VPS13B: variants seen among roughly 807,000 people sequenced by gnomAD.
VPS13B encodes the protein intermembrane lipid transfer protein VPS13B.
Under a neutral mutation model 426.4 loss-of-function variants are expected in VPS13B, and 285 were observed. The ratio of observed to expected loss-of-function variants is 0.67; its 90% CI spans 0.61 to 0.74. The LOEUF (loss-of-function observed/expected upper bound fraction) is 0.74, where lower values mean the gene tolerates loss of function less well. VPS13B is among the 30% of genes least tolerant of loss of function. VPS13B has a pLI of 0.00. For missense variants in VPS13B, 4,537 were observed against 4,782.6 expected (o/e 0.95, Z 1.51); for synonymous variants, 1,676 against 1,676.4 (o/e 1.00, Z 0.01).
At chr8:99,400,957 C>T (rs1461899064) in intron 21 of VPS13B, among the ~76,000 whole-genome samples, 2 of 152,214 alleles carry the variant, frequency 1.3e-5, no homozygotes, top group Admixed American at 1.3e-4. Context: ...CAGGCGTTAG[C>T]CATTGTACCC....
intron 29 of VPS13B, among the ~76,000 whole-genome samples, chr8:99,514,009 T>C (rs1821927081): frequency 6.6e-6 from 1 of 152,238 alleles, no homozygotes. Context: ...TGGTATTTGT[T>C]AGTGAGGAAT....
intron 36 of VPS13B, among the ~76,000 whole-genome samples, chr8:99,700,246 C>A (rs576970995): frequency 1.3e-5 from 2 of 152,128 alleles, no homozygotes; most frequent in Non-Finnish European, 2.9e-5. Context: ...GTTTTATGAA[C>A]CATAAGAAGA....
intron 19 of VPS13B, among the ~76,000 whole-genome samples, chr8:99,364,725 G>A (rs1373665711): frequency 1.4e-4 from 21 of 152,136 alleles, no homozygotes; most frequent in Admixed American, 1.3e-3. Flanking sequence ...GAGCCACTGC[G>A]CCCGTTGTAG....
chr8:99,452,504 A>G (rs1253560632), intron 23 of VPS13B, among the ~76,000 whole-genome samples: 3 of 152,180 alleles, frequency 2.0e-5, no homozygotes, highest in African/African-American at 4.8e-5. Context: ...CTCACTGTAC[A>G]TTCTCAGGCC....
chr8:99,118,652 A>G (rs1220451695), intron 7 of VPS13B, among the ~76,000 whole-genome samples: 2 of 152,204 alleles, frequency 1.3e-5, no homozygotes, highest in African/African-American at 4.8e-5. Flanking sequence ...CTCAATATGT[A>G]TAAAAGGCTT....
chr8:99,358,394 T>C (rs917464608), intron 19 of VPS13B, among the ~76,000 whole-genome samples: 1 of 152,202 alleles, frequency 6.6e-6, no homozygotes, highest in Non-Finnish European at 1.5e-5. Flanking sequence ...AGTCTTGATT[T>C]GTGCTTAATA....
intron 25 of VPS13B, among the ~76,000 whole-genome samples, chr8:99,494,007 A>G (rs1055971476): frequency 2.0e-5 from 3 of 152,088 alleles, no homozygotes; most frequent in East Asian, 1.9e-4. Flanking sequence ...AAATATTTCT[A>G]TCCCACTCCA....
Position 99,536,993 on chromosome 8 carries a change from C to T in VPS13B, c.4745+15983C>T, listed in dbSNP as rs1384097075. ...TACAGAAAAGTAATTAATATCTTGT[C>T]CTTCTGGTAAACCATGTCAAATTAT... On this transcript the variant is annotated intron_variant, in intron 30 of 61. Coordinates refer to ENST00000357162, the MANE Select transcript of VPS13B (RefSeq NM_152564.5). The T allele has an allele frequency of 2.4e-5, 8 of 340,324 alleles. No individual in the cohort carries two copies. The East Asian group carries it at 5.4e-4, about 23-fold the overall frequency. 21.1% of individuals were successfully genotyped at this position (340,324 alleles called of 1,614,324 possible). A position where few individuals can be genotyped will look rare whatever the true frequency, so the allele number is the denominator to read the frequency against.
At chr8:99,849,701 TCA>T (rs1477056632) in intron 55 of VPS13B, among the ~76,000 whole-genome samples, 3 of 152,124 alleles carry the variant, frequency 2.0e-5, no homozygotes, top group Non-Finnish European at 4.4e-5. Flanking sequence ...GTGAGAGATA[TCA>T]CACAGTTAAT....
rs1480852109 is a variant in VPS13B, at chr8:99,502,953, AAATAATG to A, written c.4157+15_4157+21del. 3 of 1,571,984 alleles carry A rather than the reference AAATAATG, an allele frequency of 1.9e-6. No individual in the cohort carries two copies. Among genetic ancestry groups the A allele is most frequent in the East Asian group, 2.2e-5 (1 of 44,578 alleles). On this transcript the variant is annotated splice_donor_5th_base_variant and intron_variant, in intron 27 of 61. Transcript: ENST00000357162. ...AATATTGATCACTATAGAAGCAGGTAAATAATGAATAATGAATATAAGAAAATCTGTA... is the reference window on the plus strand; with the variant it reads ...AATATTGATCACTATAGAAGCAGGTAAATAATGAATATAAGAAAATCTGTA...
In VPS13B at chr8:99,686,752, A is replaced by G. The variant is rs141432938; in HGVS notation, c.6047-12773A>G. On this transcript the variant is annotated intron_variant, in intron 35 of 61. Coordinates refer to ENST00000357162, the MANE Select transcript of VPS13B (RefSeq NM_152564.5). The stretch of plus-strand genomic sequence containing the variant: ...CAGGCCTGAGACTCTCCTCAAGGCA[A>G]TGAGCTCCCCTCTGGCCCAGGGCAG... 6.8e-4 allele frequency among the ~76,000 whole-genome samples: 103 copies of G among 152,054 alleles called. 1 individual carries two copies. Among genetic ancestry groups the G allele is most frequent in the African/African-American group, 2.4e-3 (100 of 41,390 alleles).
At chr8:99,460,315 T>C (rs1294335326) in intron 23 of VPS13B, among the ~76,000 whole-genome samples, 2 of 152,164 alleles carry the variant, frequency 1.3e-5, no homozygotes, top group African/African-American at 4.8e-5. Flanking sequence ...TCTACCTCAG[T>C]TAAGCTCCTA....
intron 30 of VPS13B, among the ~76,000 whole-genome samples, chr8:99,551,019 T>C (rs1294653821): frequency 6.6e-6 from 1 of 152,102 alleles, no homozygotes; most frequent in Non-Finnish European, 1.5e-5. Context: ...AGTTGTCAGA[T>C]ACTGTGTTCT....
At chr8:99,569,691 A>T (rs1303962907) in intron 31 of VPS13B, among the ~76,000 whole-genome samples, 2 of 152,196 alleles carry the variant, frequency 1.3e-5, no homozygotes, top group Admixed American at 1.3e-4. Context: ...TCCAAGAAAG[A>T]TGACCACAGC....
At chr8:99,014,009 T>G (rs542402509) in intron 2 of VPS13B, 74 bp downstream of exon 2, 1 of 1,604,906 alleles carries the variant, frequency 6.2e-7, no homozygotes, top group Admixed American at 1.7e-5. Flanking sequence ...TTTCCTAAGC[T>G]TTGACTTTAT....
intron 29 of VPS13B, among the ~76,000 whole-genome samples, chr8:99,517,472 G>A (rs776030530): frequency 2.6e-5 from 4 of 152,072 alleles, no homozygotes; most frequent in East Asian, 1.9e-4. Flanking sequence ...CTACATTAAT[G>A]TAAGACTCTT....
At chr8:99,394,859 A>G (rs957502557) in intron 21 of VPS13B, among the ~76,000 whole-genome samples, 9 of 152,250 alleles carry the variant, frequency 5.9e-5, no homozygotes, top group Non-Finnish European at 2.9e-5. Flanking sequence ...TAAGATAGTA[A>G]TAAATGAAGA....
intron 19 of VPS13B, among the ~76,000 whole-genome samples, chr8:99,322,625 A>G (rs1403572616): frequency 6.6e-6 from 1 of 152,236 alleles, no homozygotes; most frequent in African/African-American, 2.4e-5. Context: ...AATGCAATCC[A>G]CATGTCTGTG....
chr8:99,591,679 C>A (rs1034808218), intron 33 of VPS13B, among the ~76,000 whole-genome samples: 3 of 152,152 alleles, frequency 2.0e-5, no homozygotes, highest in Admixed American at 6.5e-5. Flanking sequence ...GAATATTGGC[C>A]CCCACTCTCT....
Sources: gnomAD v4.1 joint callset for allele counts (sites outside exome capture counted in the v4.1 genomes callset) on GRCh38, gnomAD v4.1.1 for gene constraint, MANE v1.5 for transcripts, NCBI Gene and HGNC (gene_info 2026-07-23, HGNC 2026-07-21) for gene names.